The following FAM135B variants were observed in gnomAD, a reference collection of about 807,000 sequenced individuals.
The protein encoded by FAM135B is family with sequence similarity 135 member B, also known as protein FAM135B.
A neutral mutation model predicts 127.7 loss-of-function variants in FAM135B; 43 were observed. The observed-to-expected ratio is 0.34, with a 90% CI of 0.26 to 0.43. The LOEUF (loss-of-function observed/expected upper bound fraction) is 0.43. FAM135B is among the 20% of genes least tolerant of loss of function. The pLI is 1.00. For synonymous variants in FAM135B, 670 were observed against 665.1 expected (o/e 1.01, Z -0.11); for missense variants, 1,558 against 1,725.6 (o/e 0.90, Z 1.72).
At chr8:138,359,713 C>T (rs1830298954) in intron 2 of FAM135B, among the ~76,000 whole-genome samples, 1 of 152,142 alleles carries the variant, frequency 6.6e-6, no homozygotes, top group Non-Finnish European at 1.5e-5. Context: ...CACTGGCAAG[C>T]AAAGATAATT....
Position 138,242,432 on chromosome 8 carries a change from T to A in FAM135B, c.669+510A>T, listed in dbSNP as rs1820884645. Among the ~76,000 whole-genome samples, 1 of 152,076 alleles carries A rather than the reference T, an allele frequency of 6.6e-6. No homozygotes were observed. Among genetic ancestry groups the A allele is most frequent in the Admixed American group, 6.6e-5 (1 of 15,266 alleles). ...CAAGGGGAAGGACAGGATATGCATA[T>A]TTAGTTAGCAGCTAGTGAGTATTGG... On this transcript the variant is annotated intron_variant, in intron 7 of 19. Coordinates refer to ENST00000395297, the MANE Select transcript of FAM135B (RefSeq NM_015912.4). The surrounding 1 kb of genome is among the most constrained non-coding windows in gnomAD (Gnocchi z 9.6).
In FAM135B at chr8:138,141,144, C is replaced by A. The variant is rs1817107968; in HGVS notation, c.3790+54G>T. On this transcript the variant is annotated intron_variant, in intron 17 of 19. Transcript: ENST00000395297. This position sits in a 1 kb window ranked among gnomAD's most constrained non-coding sequence, Gnocchi z 4.7. ...GGAAGTACCTGTGCCCGGTTTCACG[C>A]CCCAGAGGCCCCAGATTAATTCTGA... 5.1e-6 allele frequency: 8 copies of A among 1,581,020 alleles called. No homozygotes were observed. Among genetic ancestry groups the A allele is most frequent in the Non-Finnish European group, 6.9e-6 (8 of 1,154,860 alleles).
chr8:138,278,324 TC>T (rs1823990890), intron 3 of FAM135B, among the ~76,000 whole-genome samples: 1 of 151,138 alleles, frequency 6.6e-6, no homozygotes, highest in Non-Finnish European at 1.5e-5. Context: ...AAATTCTACA[TC>T]CACTACCTGA....
intron 1 of FAM135B, among the ~76,000 whole-genome samples, chr8:138,419,683 T>A (rs768441348): frequency 2.0e-5 from 3 of 152,086 alleles, no homozygotes; most frequent in African/African-American, 7.2e-5. Context: ...TTAAAAATAA[T>A]AATATCAAGA....
chr8:138,356,076 G>A (rs1830072468), intron 2 of FAM135B, among the ~76,000 whole-genome samples: 1 of 152,100 alleles, frequency 6.6e-6, no homozygotes, highest in Non-Finnish European at 1.5e-5. Context: ...ATCATGTAAG[G>A]ACACAGCACT....
chr8:138,322,040 A>G (rs1280289909), intron 2 of FAM135B, among the ~76,000 whole-genome samples: 2 of 152,208 alleles, frequency 1.3e-5, no homozygotes, highest in African/African-American at 4.8e-5. Context: ...AACAATGGAG[A>G]CAGGCAGACA....
chr8:138,240,515 A>G (rs1820673620), intron 7 of FAM135B, among the ~76,000 whole-genome samples: 1 of 152,142 alleles, frequency 6.6e-6, no homozygotes, highest in Non-Finnish European at 1.5e-5. Context: ...TCAGCTTCCT[A>G]CATGAATATG....
intron 12 of FAM135B, among the ~76,000 whole-genome samples, chr8:138,157,462 G>A (rs528578095): frequency 6.6e-6 from 1 of 152,160 alleles, no homozygotes; most frequent in Admixed American, 6.6e-5. Flanking sequence ...TCAGGCAGGA[G>A]AAATAAATAA....
chr8:138,412,178 C>G (rs1040566790), intron 1 of FAM135B, among the ~76,000 whole-genome samples: 2 of 152,174 alleles, frequency 1.3e-5, no homozygotes, highest in Admixed American at 1.3e-4. Context: ...GCAATATACT[C>G]ATGCAACAAA....
intron 1 of FAM135B, among the ~76,000 whole-genome samples, chr8:138,464,308 T>C (rs1837280750): frequency 6.6e-6 from 1 of 152,166 alleles, no homozygotes; most frequent in South Asian, 2.1e-4. Context: ...GGACATCTCT[T>C]TGGTCTGTAT....
chr8:138,257,361 T>C (rs1391080112), intron 4 of FAM135B, among the ~76,000 whole-genome samples: 1 of 152,166 alleles, frequency 6.6e-6, no homozygotes, highest in East Asian at 1.9e-4. Flanking sequence ...TTTAAGACAC[T>C]GGCATTTTAT....
At chr8:138,228,316 C>T (rs927401534) in intron 7 of FAM135B, among the ~76,000 whole-genome samples, 6 of 151,968 alleles carry the variant, frequency 3.9e-5, no homozygotes, top group Non-Finnish European at 8.8e-5. Context: ...AGGTGTAGGG[C>T]TGAGGTTTGC....
chr8:138,489,294 G>A (rs759279277), intron 1 of FAM135B, among the ~76,000 whole-genome samples: 5 of 152,134 alleles, frequency 3.3e-5, no homozygotes, highest in Non-Finnish European at 7.4e-5. Context: ...CATCAGACTA[G>A]GTCAGAAAAT....
At chr8:138,172,695 C>T (rs940165339) in intron 11 of FAM135B, among the ~76,000 whole-genome samples, 4 of 151,908 alleles carry the variant, frequency 2.6e-5, no homozygotes, top group East Asian at 1.9e-4. Flanking sequence ...TAATGGATGA[C>T]GAATAATTAT....
chr8:138,335,392 C>A (rs1158716059), intron 2 of FAM135B, among the ~76,000 whole-genome samples: 1 of 151,920 alleles, frequency 6.6e-6, no homozygotes, highest in Non-Finnish European at 1.5e-5. Context: ...ATTTTAAAAC[C>A]CTAAATAGTC....
At chr8:138,408,733 T>C (rs926571788) in intron 1 of FAM135B, among the ~76,000 whole-genome samples, 1 of 152,062 alleles carries the variant, frequency 6.6e-6, no homozygotes, top group African/African-American at 2.4e-5. Flanking sequence ...ACTGCCACTT[T>C]TAAACCATCG....
intron 12 of FAM135B, among the ~76,000 whole-genome samples, chr8:138,158,652 A>T (rs1441040300): frequency 6.6e-6 from 1 of 152,034 alleles, no homozygotes; most frequent in African/African-American, 2.4e-5. Flanking sequence ...GACACTTCTC[A>T]AAAGAAGACA....
At chr8:138,377,750 G>A (rs1235126107) in intron 1 of FAM135B, among the ~76,000 whole-genome samples, 2 of 152,184 alleles carry the variant, frequency 1.3e-5, no homozygotes, top group African/African-American at 4.8e-5. Flanking sequence ...AGATTACCCT[G>A]TGAGAATGTG....
intron 3 of FAM135B, among the ~76,000 whole-genome samples, chr8:138,310,148 G>A (rs1470237610): frequency 6.6e-6 from 1 of 152,108 alleles, no homozygotes; most frequent in East Asian, 1.9e-4. Flanking sequence ...TGGGATTATA[G>A]GCATGAGCCA....
Sources: allele counts gnomAD v4.1 joint callset (sites outside exome capture counted in the v4.1 genomes callset), GRCh38; gene constraint gnomAD v4.1.1; non-coding constraint Gnocchi (gnomAD v3.1); transcripts MANE v1.5; gene names NCBI Gene and HGNC (gene_info 2026-07-23, HGNC 2026-07-21).